The following CTPS2 variants were observed in gnomAD, a reference collection of about 807,000 sequenced individuals.
CTPS2 encodes the protein CTP synthase 2.
Under a neutral mutation model 46.8 loss-of-function variants are expected in CTPS2, and 19 were observed. That is an observed-to-expected ratio of 0.41 (90% CI 0.28 to 0.60). The LOEUF is 0.60. CTPS2 is among the 20% of genes least tolerant of loss of function. The pLI is 0.35. For missense variants in CTPS2, 286 were observed against 447.6 expected (o/e 0.64, Z 3.26); for synonymous variants, 151 against 165.2 (o/e 0.91, Z 0.66).
intron 10 of CTPS2, among the ~76,000 whole-genome samples, chrX:16,674,266 C>G (rs755657038): frequency 9.0e-6 from 1 of 110,868 alleles, no homozygotes; most frequent in South Asian, 3.9e-4. Context: ...TGGGTTCAAA[C>G]GATTCTCCTG....
Position 16,661,810 on chromosome X carries a change from A to G in CTPS2, c.1296+5704T>C, listed in dbSNP as rs1206156891. ...GAATTTCTCCCTGTTCCTTTCCCAT[A>G]CCACCATCCAAGTGTGCATGTGTGT... On this transcript the variant is annotated intron_variant, in intron 13 of 18. Transcript: ENST00000359276. Among the ~76,000 whole-genome samples, 4 of 111,210 alleles carry G rather than the reference A, an allele frequency of 3.6e-5. No homozygotes were observed. The East Asian group carries it at 1.1e-3, about 32-fold the overall frequency.
intron 13 of CTPS2, among the ~76,000 whole-genome samples, chrX:16,662,700 T>C (rs1270542669): frequency 2.1e-5 from 1 of 47,062 alleles, no homozygotes; most frequent in Non-Finnish European, 5.4e-5. Context: ...TCCTTAGTCT[T>C]TTTTTTTTTT....
chrX:16,593,258 A>T (rs1008539608), intron 17 of CTPS2, among the ~76,000 whole-genome samples: 12 of 109,719 alleles, frequency 1.1e-4, no homozygotes, highest in African/African-American at 1.3e-4. Context: ...TGAAACCCCA[A>T]CTCTACTAAA....
rs574870772 is a variant in CTPS2 at position 16,624,366 on chromosome X, A to G, written c.1394-4034T>C. On this transcript the variant is annotated intron_variant, in intron 14 of 18. Coordinates refer to ENST00000359276, the MANE Select transcript of CTPS2 (RefSeq NM_175859.3). ...TGAGAATCAGTTCAGAATGCTACCA[A>G]TGAAATTCTATTTGAGAACATCCCG... Among the ~76,000 whole-genome samples, 19 of 111,981 alleles carry G rather than the reference A, an allele frequency of 1.7e-4. No homozygotes were observed. In the South Asian group the frequency reaches 6.4e-3, roughly 38 times the overall value.
intron 13 of CTPS2, among the ~76,000 whole-genome samples, chrX:16,660,417 T>C (rs759978315): frequency 1.3e-5 from 1 of 78,498 alleles, no homozygotes; most frequent in East Asian, 3.3e-4. Context: ...TTATTTATTA[T>C]TTTTTGAGAC....
intron 13 of CTPS2, among the ~76,000 whole-genome samples, chrX:16,656,432 C>CCATCCTGGCCAACTTGGT (rs1932820307): frequency 9.6e-6 from 1 of 103,766 alleles, no homozygotes; most frequent in African/African-American, 3.6e-5. Context: ...TTTTTTGAGA[C>CCATCCTGGCCAACTTGGT]GAAGTCTCGC....
intron 15 of CTPS2, among the ~76,000 whole-genome samples, chrX:16,619,616 T>G (rs1402361173): frequency 9.0e-6 from 1 of 110,853 alleles, no homozygotes; most frequent in Non-Finnish European, 1.9e-5. Flanking sequence ...GTGCCTGAGA[T>G]AACAAATTTC....
intron 10 of CTPS2, among the ~76,000 whole-genome samples, chrX:16,673,584 TA>T (rs369260548): frequency 0.058 from 5,884 of 101,822 alleles, 369 homozygotes; most frequent in African/African-American, 0.19. Context: ...TGTGTGATGT[TA>T]AAAAAAAAAA....
intron 8 of CTPS2, 135 bp downstream of exon 8, chrX:16,689,315 T>C: frequency 1.8e-6 from 1 of 549,852 alleles, no homozygotes; most frequent in Non-Finnish European, 3.0e-6. Context: ...GTATGCTCCA[T>C]CTTTAGACAT....
At chrX:16,645,347 T>C (rs752600334) in intron 13 of CTPS2, among the ~76,000 whole-genome samples, 64 of 110,479 alleles carry the variant, frequency 5.8e-4, no homozygotes, top group Non-Finnish European at 9.3e-4. Flanking sequence ...GACTAAGGGA[T>C]GGGTCAGTGG....
chrX:16,599,799 G>A (rs1365703616), intron 17 of CTPS2, among the ~76,000 whole-genome samples: 1 of 88,036 alleles, frequency 1.1e-5, no homozygotes, highest in Non-Finnish European at 2.2e-5. Flanking sequence ...TTTTTCTTTT[G>A]ACACACAGTC....
At chrX:16,681,391 A>T (rs926804677) in intron 9 of CTPS2, among the ~76,000 whole-genome samples, 2 of 111,485 alleles carry the variant, frequency 1.8e-5, no homozygotes, top group South Asian at 7.4e-4. Flanking sequence ...TTAAGTCAAG[A>T]TGATAAGACT....
intron 13 of CTPS2, among the ~76,000 whole-genome samples, chrX:16,663,865 T>G (rs1417773074): frequency 9.0e-6 from 1 of 111,124 alleles, no homozygotes; most frequent in Non-Finnish European, 1.9e-5. Context: ...AGGCAGAGTC[T>G]TGCTTTGTCA....
At chrX:16,663,781 C>G (rs763809290) in intron 13 of CTPS2, among the ~76,000 whole-genome samples, 9 of 111,320 alleles carry the variant, frequency 8.1e-5, no homozygotes, top group African/African-American at 2.3e-4. Flanking sequence ...AAAGGAGAGA[C>G]AGTTCTGTAC....
At chrX:16,689,716 A>G (rs938967245) in intron 7 of CTPS2, 115 bp from the exon 8 acceptor site, 12 of 570,497 alleles carry the variant, frequency 2.1e-5, no homozygotes, top group Non-Finnish European at 3.2e-5. Context: ...TATAACACAC[A>G]CACACGCACA....
At chrX:16,670,730 G>A (rs1921679813) in intron 10 of CTPS2, 56 bp from the exon 11 acceptor site, 2 of 844,011 alleles carry the variant, frequency 2.4e-6, no homozygotes. Context: ...TTTTAAACTA[G>A]TGTATTCAGC....
At chrX:16,608,412 C>T (rs1008509201) in intron 17 of CTPS2, among the ~76,000 whole-genome samples, 2 of 107,796 alleles carry the variant, frequency 1.9e-5, no homozygotes, top group East Asian at 2.9e-4. Context: ...TATAGTGAGA[C>T]CTTGTCTCTA....
At chrX:16,663,129 G>C (rs1203669138) in intron 13 of CTPS2, among the ~76,000 whole-genome samples, 1 of 111,205 alleles carries the variant, frequency 9.0e-6, no homozygotes, top group Non-Finnish European at 1.9e-5. Flanking sequence ...ACAGTGTCTG[G>C]AGCATGCTAC....
intron 1 of CTPS2, among the ~76,000 whole-genome samples, chrX:16,709,709 C>T (rs914128582): frequency 1.9e-5 from 2 of 107,072 alleles, no homozygotes; most frequent in Admixed American, 2.0e-4. Flanking sequence ...ATTAGCCAGG[C>T]GTGGTGGCAC....
Sources: gnomAD v4.1 joint callset for allele counts (sites outside exome capture counted in the v4.1 genomes callset) on GRCh38, gnomAD v4.1.1 for gene constraint, MANE v1.5 for transcripts, NCBI Gene and HGNC (gene_info 2026-07-23, HGNC 2026-07-21) for gene names.